MACROD2: variants seen among roughly 807,000 people sequenced by gnomAD.
MACROD2 encodes the protein mono-ADP ribosylhydrolase 2.
A neutral mutation model predicts 70.4 loss-of-function variants in MACROD2; 36 were observed. The ratio of observed to expected loss-of-function variants is 0.51; its 90% CI spans 0.39 to 0.68. The LOEUF (loss-of-function observed/expected upper bound fraction) is 0.68, where lower values mean the gene tolerates loss of function less well. Ranked by LOEUF, MACROD2 falls within the 30% of genes least tolerant of loss-of-function variation. The pLI, the probability that MACROD2 is intolerant of heterozygous loss-of-function variation, is 0.00. For missense variants in MACROD2, 496 were observed against 538.4 expected, an observed-to-expected ratio of 0.92 and a Z score of 0.78; for synonymous variants, 172 against 178.8, an observed-to-expected ratio of 0.96 and a Z score of 0.30.
intron 3 of MACROD2, among the ~76,000 whole-genome samples, chr20:14,380,035 A>G (rs2083407015): frequency 6.6e-6 from 1 of 152,062 alleles, no homozygotes; most frequent in South Asian, 2.1e-4. Context: ...AAACCATTAC[A>G]TTTTCTATAG....
chr20:14,893,965 A>G (rs557458142), intron 5 of MACROD2: 1 of 151,620 alleles, frequency 6.6e-6, no homozygotes, highest in Non-Finnish European at 1.5e-5. Context: ...TTAAATTTTT[A>G]TGTAGAGATA....
intron 8 of MACROD2, among the ~76,000 whole-genome samples, chr20:15,831,275 A>G (rs1293066603): frequency 3.3e-5 from 5 of 152,208 alleles, no homozygotes; most frequent in Non-Finnish European, 5.9e-5. Flanking sequence ...AGTAATATCA[A>G]GGAAGGTCAG....
At chr20:15,646,093 C>G (rs1716969546) in intron 8 of MACROD2, among the ~76,000 whole-genome samples, 1 of 152,182 alleles carries the variant, frequency 6.6e-6, no homozygotes, top group African/African-American at 2.4e-5. Flanking sequence ...TTGTGATTCA[C>G]AGTGGACTGT....
chr20:14,933,529 A>T (rs2074314531), intron 5 of MACROD2, among the ~76,000 whole-genome samples: 1 of 151,968 alleles, frequency 6.6e-6, no homozygotes, highest in South Asian at 2.1e-4. Context: ...AAGATAAGAG[A>T]TGAGATGGGA....
chr20:14,435,305 A>G (rs2084044067), intron 3 of MACROD2, among the ~76,000 whole-genome samples: 2 of 152,156 alleles, frequency 1.3e-5, no homozygotes. Context: ...TTAGATTTAG[A>G]ACCCACCCAC....
At chr20:14,054,919 A>G (rs1390329211) in intron 2 of MACROD2, among the ~76,000 whole-genome samples, 1 of 151,974 alleles carries the variant, frequency 6.6e-6, no homozygotes, top group East Asian at 1.9e-4. Flanking sequence ...CAGGTTCCTG[A>G]CTCTATGATA....
intron 8 of MACROD2, among the ~76,000 whole-genome samples, chr20:15,594,526 TG>T (rs530173314): frequency 6.6e-6 from 1 of 152,196 alleles, no homozygotes; most frequent in Non-Finnish European, 1.5e-5. Context: ...ATTCATAACA[TG>T]TGCGGGTTTC....
intron 15 of MACROD2, among the ~76,000 whole-genome samples, chr20:16,002,646 A>G (rs2066726552): frequency 6.6e-6 from 1 of 152,212 alleles, no homozygotes; most frequent in African/African-American, 2.4e-5. Context: ...GTAATCAAAC[A>G]GATTTTTCCC....
chr20:14,903,036 T>TC (rs1041056683), intron 5 of MACROD2, among the ~76,000 whole-genome samples: 3 of 134,358 alleles, frequency 2.2e-5, no homozygotes, highest in South Asian at 2.3e-4. Context: ...TTTTTTTCTT[T>TC]CCCTTTTTTT....
intron 8 of MACROD2, among the ~76,000 whole-genome samples, chr20:15,605,611 T>C (rs150255645): frequency 1.7e-4 from 26 of 152,212 alleles, no homozygotes; most frequent in African/African-American, 5.1e-4. Flanking sequence ...GCTAAGAACA[T>C]GAACTCTGTA....
intron 7 of MACROD2, among the ~76,000 whole-genome samples, chr20:15,464,617 C>T (rs1053568947): frequency 2.6e-5 from 4 of 152,138 alleles, no homozygotes; most frequent in African/African-American, 9.7e-5. Context: ...AACTCTTTTG[C>T]CTTAGCTTTA....
chr20:15,515,902 A>G (rs1207242506), intron 8 of MACROD2, among the ~76,000 whole-genome samples: 1 of 152,210 alleles, frequency 6.6e-6, no homozygotes, highest in Non-Finnish European at 1.5e-5. Context: ...TGCTGGAGTT[A>G]GGCAGCTTTA....
chr20:15,499,858 C>T lies in MACROD2; in HGVS notation c.645+11C>T, dbSNP rs115951989. 5.8e-4 allele frequency: 940 copies of T among 1,611,028 alleles called. 11 individuals are homozygous for T. The African/African-American group carries it at 0.011, about 18-fold the overall frequency. On this transcript the variant is annotated intron_variant, in intron 8 of 17. Transcript: ENST00000684519. ...AAGAATCACCATGAGGTAGGAGGAA[C>T]GACATAATCAGTGAACATCCAAGAT...
chr20:14,853,880 A>C (rs561913177), intron 5 of MACROD2, among the ~76,000 whole-genome samples: 17 of 152,274 alleles, frequency 1.1e-4, no homozygotes, highest in African/African-American at 4.1e-4. Context: ...ATGAGTAATA[A>C]GGAAATGTAA....
In MACROD2 at chr20:15,253,233, C is replaced by T. The variant is rs73262747; in HGVS notation, c.540+23172C>T. On this transcript the variant is annotated intron_variant, in intron 6 of 17. Coordinates refer to ENST00000684519, the MANE Select transcript of MACROD2 (RefSeq NM_001351661.2). ...ACCACTGCTGTAGGACCACCACTAA[C>T]CATTTAGGTAATGCCTATGGCTGCT... Among the ~76,000 whole-genome samples, 1,168 of 152,222 alleles carry T rather than the reference C, an allele frequency of 7.7e-3. 12 individuals are homozygous for T. The highest frequency in any genetic ancestry group is 0.026 in the African/African-American group (1,097 of 41,548).
At chr20:15,525,767 C>T (rs944757915) in intron 8 of MACROD2, among the ~76,000 whole-genome samples, 1 of 152,108 alleles carries the variant, frequency 6.6e-6, no homozygotes, top group African/African-American at 2.4e-5. Context: ...TTTTATCATC[C>T]TTTTTGGTGT....
At chr20:15,692,767 T>C (rs976613473) in intron 8 of MACROD2, among the ~76,000 whole-genome samples, 17 of 152,274 alleles carry the variant, frequency 1.1e-4, no homozygotes, top group Middle Eastern at 3.4e-3. Context: ...ATCATTTCCC[T>C]TAATTTTACC....
At chr20:14,528,118 T>TG (rs2085255865) in intron 4 of MACROD2, among the ~76,000 whole-genome samples, 1 of 151,846 alleles carries the variant, frequency 6.6e-6, no homozygotes, top group Non-Finnish European at 1.5e-5. Flanking sequence ...ACACTTTTTT[T>TG]TTTTTTTTGA....
At chr20:15,332,728 A>G (rs2078006178) in intron 6 of MACROD2, among the ~76,000 whole-genome samples, 1 of 151,642 alleles carries the variant, frequency 6.6e-6, no homozygotes, top group Non-Finnish European at 1.5e-5. Context: ...TTGCTTTGAT[A>G]TATGTTTCTT....
Sources: allele counts gnomAD v4.1 joint callset (sites outside exome capture counted in the v4.1 genomes callset), GRCh38; gene constraint gnomAD v4.1.1; transcripts MANE v1.5; gene names NCBI Gene and HGNC (gene_info 2026-07-23, HGNC 2026-07-21).